The following ADGRL2 variants were observed in gnomAD, a reference collection of about 807,000 sequenced individuals.
ADGRL2 encodes calcium-independent alpha-latrotoxin receptor 2.
A neutral mutation model predicts 157.4 loss-of-function variants in ADGRL2; 44 were observed. The ratio of observed to expected loss-of-function variants is 0.28; its 90% CI spans 0.22 to 0.36. ADGRL2 has a LOEUF of 0.36. ADGRL2 is among the 10% of genes least tolerant of loss of function. The pLI, the probability that ADGRL2 is intolerant of heterozygous loss-of-function variation, is 1.00. For synonymous variants in ADGRL2, 585 were observed against 624.7 expected (o/e 0.94, Z 0.95); for missense variants, 1,510 against 1,768.9 (o/e 0.85, Z 2.63).
chr1:81,966,571 C>G lies in ADGRL2; in HGVS notation c.2311C>G (p.Leu771Val), dbSNP rs1657111650. The change falls in exon 13 of 24, where the codon CTG becomes GTG. Residue 771 changes from leucine to valine, a missense_variant. Leu to Val is a conservative substitution (Grantham distance 32). Transcript: ENST00000686636. ...SINKESSRVY[L>V]TDPVLFTLPH... ...CAATAAAGAGTCCAGCCGAGTATAC[C>G]TGACTGATCCTGTGCTTTTTACCCT... 4 of 1,614,052 alleles carry G rather than the reference C, an allele frequency of 2.5e-6. No homozygotes were observed. Among genetic ancestry groups the G allele is most frequent in the Admixed American group, 1.7e-5 (1 of 60,010 alleles).
At chr1:81,643,623 A>C (rs1485221668) in intron 3 of ADGRL2, among the ~76,000 whole-genome samples, 1 of 152,210 alleles carries the variant, frequency 6.6e-6, no homozygotes, top group Non-Finnish European at 1.5e-5. Flanking sequence ...GTGGAATTTG[A>C]AATGAAGAAC....
At chr1:81,364,736 G>C (rs1221551827) in intron 1 of ADGRL2, among the ~76,000 whole-genome samples, 1 of 149,908 alleles carries the variant, frequency 6.7e-6, no homozygotes, top group East Asian at 2.0e-4. Flanking sequence ...GTCTTGCTCT[G>C]TCGCCCAGGC....
chr1:81,450,567 C>T (rs2077685039), intron 2 of ADGRL2, among the ~76,000 whole-genome samples: 1 of 152,070 alleles, frequency 6.6e-6, no homozygotes. Flanking sequence ...TGTACACTAC[C>T]TTTCTCACAG....
chr1:81,813,441 A>G (rs1010861819), intron 1 of ADGRL2, among the ~76,000 whole-genome samples: 3 of 151,726 alleles, frequency 2.0e-5, no homozygotes, highest in Non-Finnish European at 4.4e-5. Flanking sequence ...ACAAAGAATA[A>G]TCCTCTAAGT....
intron 3 of ADGRL2, among the ~76,000 whole-genome samples, chr1:81,607,803 C>A (rs1317968904): frequency 6.6e-6 from 1 of 152,080 alleles, no homozygotes; most frequent in Non-Finnish European, 1.5e-5. Flanking sequence ...GAAAATAGGA[C>A]CTCCCTTTGG....
intron 2 of ADGRL2, among the ~76,000 whole-genome samples, chr1:81,474,559 T>C (rs1199606761): frequency 3.3e-5 from 5 of 152,204 alleles, no homozygotes; most frequent in African/African-American, 1.2e-4. Flanking sequence ...TCAGTGAGCA[T>C]GAAGTAGCTG....
chr1:81,974,297 G>T (rs536337230), intron 17 of ADGRL2, among the ~76,000 whole-genome samples: 1 of 152,196 alleles, frequency 6.6e-6, no homozygotes, highest in African/African-American at 2.4e-5. Context: ...TGAGCAGTGG[G>T]AAACCATTAG....
At chr1:81,350,988 T>TA (rs1378116933) in intron 1 of ADGRL2, among the ~76,000 whole-genome samples, 2 of 152,086 alleles carry the variant, frequency 1.3e-5, no homozygotes, top group African/African-American at 2.4e-5. Flanking sequence ...CTTACAGAAA[T>TA]AAAAAATATG....
chr1:81,606,769 T>C (rs984961203), intron 3 of ADGRL2, among the ~76,000 whole-genome samples: 80 of 111,882 alleles, frequency 7.2e-4, no homozygotes, highest in Admixed American at 1.1e-3. Context: ...TGTGTGTGTG[T>C]GTGTGCGCAC....
At chr1:81,937,210 A>G (rs387980) in intron 4 of ADGRL2, among the ~76,000 whole-genome samples, 7,020 of 151,968 alleles carry the variant, frequency 0.046, 493 homozygotes, top group African/African-American at 0.15. Flanking sequence ...ATCGTGAGCT[A>G]CTTGAATGGC....
intron 2 of ADGRL2, among the ~76,000 whole-genome samples, chr1:81,516,564 T>C (rs17106612): frequency 0.017 from 2,542 of 152,354 alleles, 39 homozygotes; most frequent in East Asian, 0.052. Context: ...TCTGATCATC[T>C]GACAAAATAA....
At chr1:81,927,880 G>A (rs1450191225) in intron 3 of ADGRL2, among the ~76,000 whole-genome samples, 2 of 152,000 alleles carry the variant, frequency 1.3e-5, no homozygotes, top group East Asian at 3.9e-4. Context: ...TTCCCTAGCT[G>A]TATAGAATAG....
upstream of ADGRL2, among the ~76,000 whole-genome samples, chr1:81,800,895 G>T (rs1310773287): frequency 1.3e-5 from 2 of 149,454 alleles, no homozygotes; most frequent in African/African-American, 4.9e-5. Context: ...AAGGGGAGGG[G>T]CGCGAGCTGG....
intron 2 of ADGRL2, among the ~76,000 whole-genome samples, chr1:81,447,514 T>C (rs915657855): frequency 6.6e-6 from 1 of 152,170 alleles, no homozygotes; most frequent in South Asian, 2.1e-4. Flanking sequence ...AAAGTGTCGC[T>C]GTTAAAAATA....
At chr1:81,681,294 G>T (rs1015339333) in intron 3 of ADGRL2, among the ~76,000 whole-genome samples, 1 of 152,210 alleles carries the variant, frequency 6.6e-6, no homozygotes, top group African/African-American at 2.4e-5. Context: ...TTGCCAGTAA[G>T]CAGCATGTGG....
intron 2 of ADGRL2, among the ~76,000 whole-genome samples, chr1:81,574,158 G>A (rs1016578719): frequency 4.6e-5 from 7 of 150,728 alleles, no homozygotes; most frequent in Non-Finnish European, 1.0e-4. Flanking sequence ...TAAGCCTAAG[G>A]GAATTCCTAT....
intron 1 of ADGRL2, among the ~76,000 whole-genome samples, chr1:81,402,227 T>C (rs1189048893): frequency 6.6e-6 from 1 of 152,180 alleles, no homozygotes; most frequent in African/African-American, 2.4e-5. Context: ...AGCCTAGTGC[T>C]CTTACAGACA....
At chr1:81,578,121 AAGTT>A (rs887547098) in intron 2 of ADGRL2, among the ~76,000 whole-genome samples, 5 of 152,306 alleles carry the variant, frequency 3.3e-5, no homozygotes, top group African/African-American at 9.6e-5. Flanking sequence ...AGAAAACAAC[AAGTT>A]AGTTAGTTTG....
At chr1:81,590,137 A>G (rs1483740760) in intron 3 of ADGRL2, among the ~76,000 whole-genome samples, 2 of 152,174 alleles carry the variant, frequency 1.3e-5, no homozygotes, top group African/African-American at 4.8e-5. Flanking sequence ...TCACACACTT[A>G]CTATAATGTT....
Sources: allele counts gnomAD v4.1 joint callset (sites outside exome capture counted in the v4.1 genomes callset), GRCh38; gene constraint gnomAD v4.1.1; transcripts MANE v1.5; gene names NCBI Gene and HGNC (gene_info 2026-07-23, HGNC 2026-07-21).